Variants in TCF15 observed in about 807,000 individuals in gnomAD.
The protein encoded by TCF15 is TCF-15.
In TCF15, 7 loss-of-function variants were observed where a neutral mutation model predicts 11.1. The observed-to-expected ratio is 0.63, with a 90% CI of 0.36 to 1.19. The LOEUF is 1.19. Among genes scored for constraint, TCF15 ranks in the 50% most tolerant of loss-of-function variants. The pLI, the probability that TCF15 is intolerant of heterozygous loss-of-function variation, is 0.02. For synonymous variants in TCF15, 144 were observed against 138.9 expected, an observed-to-expected ratio of 1.04 and a Z score of -0.26; for missense variants, 288 against 289.4, an observed-to-expected ratio of 1.00 and a Z score of 0.03.
chr20:609,964 A>G lies in TCF15; in HGVS notation c.274T>C (p.Phe92Leu). The G allele has an allele frequency of 2.0e-6, 3 of 1,477,906 alleles. No individual in the cohort carries two copies. The highest frequency in any genetic ancestry group is 2.7e-6 in the Non-Finnish European group (3 of 1,120,928). 91.5% of individuals were successfully genotyped at this position (1,477,906 alleles called of 1,614,324 possible). ...GGGATGAGCGTGCGCAGCGCCGTGAAGGCCGTGTTCACGCTCTGAGTGCGG... is the reference window on the plus strand; with the variant it reads ...GGGATGAGCGTGCGCAGCGCCGTGAGGGCCGTGTTCACGCTCTGAGTGCGG... ...RDRTQSVNTA[F>L]TALRTLIPTE... The change falls in exon 1 of 2, where the codon TTC becomes CTC. Residue 92 changes from phenylalanine to leucine, a missense_variant. By Grantham distance (22) the Phe-to-Leu change is conservative (BLOSUM62 0). Transcript: ENST00000246080. This position sits in a 1 kb window ranked among gnomAD's most constrained non-coding sequence, Gnocchi z 4.7.
intron 1 of TCF15, among the ~76,000 whole-genome samples, chr20:605,942 A>T (rs2019970743): frequency 6.6e-6 from 1 of 152,216 alleles, no homozygotes; most frequent in African/African-American, 2.4e-5. Flanking sequence ...TAGTGTCTGA[A>T]ATCCCACTGT....
intron 1 of TCF15, among the ~76,000 whole-genome samples, chr20:606,817 C>CAAAA (rs529592184): frequency 1.5e-5 from 1 of 66,210 alleles, no homozygotes; most frequent in Non-Finnish European, 3.0e-5. Flanking sequence ...GACTCCATCG[C>CAAAA]AAAAAAAAAA....
Position 610,240 on chromosome 20 carries a change from G to A in TCF15, c.-3C>T. On this transcript the variant is annotated 5_prime_UTR_variant, in exon 1 of 2. Coordinates refer to ENST00000246080, the MANE Select transcript of TCF15 (RefSeq NM_004609.4). ...GGCCGCAGCAGCGCGAACGCCATGGGCGCCGGCCGCGTCCCTCCGTGCGCC... is the reference window on the plus strand; with the variant it reads ...GGCCGCAGCAGCGCGAACGCCATGGACGCCGGCCGCGTCCCTCCGTGCGCC... The A allele has an allele frequency of 1.0e-6, 1 of 996,036 alleles. No individual in the cohort carries two copies. Among genetic ancestry groups the A allele is most frequent in the Non-Finnish European group, 1.2e-6 (1 of 838,300 alleles). The allele number at this position is 996,036 out of a possible 1,614,324, so 61.7% of individuals were successfully genotyped here.
chr20:608,131 C>G (rs1463786800), intron 1 of TCF15, among the ~76,000 whole-genome samples: 1 of 152,166 alleles, frequency 6.6e-6, no homozygotes, highest in East Asian at 1.9e-4. Context: ...GAAACCCTGT[C>G]AGCACTCACC....
Position 610,099 on chromosome 20 carries a change from C to A in TCF15, c.139G>T (p.Ala47Ser), listed in dbSNP as rs1179986540. ...SFGCCEGPEA[A>S]RRGPGPGGGR... ...CCCCCGGGGCCCGGGCCGCGCCGCG[C>A]CGCCTCCGGGCCCTCGCAGCAGCCG... The change falls in exon 1 of 2, where the codon GCG becomes TCG. Residue 47 changes from alanine to serine, a missense_variant. Transcript: ENST00000246080. 1.4e-5 allele frequency: 14 copies of A among 988,122 alleles called. No homozygotes were observed. The highest frequency in any genetic ancestry group is 1.8e-5 in the African/African-American group (1 of 56,862). The allele number at this position is 988,122 out of a possible 1,614,324, so 61.2% of individuals were successfully genotyped here.
At chr20:606,151 C>T (rs1233350403) in intron 1 of TCF15, among the ~76,000 whole-genome samples, 2 of 152,150 alleles carry the variant, frequency 1.3e-5, no homozygotes, top group Admixed American at 1.3e-4. Context: ...TGTTCACTCA[C>T]AGGCAGGGCT....
In TCF15 at chr20:604,367, A is replaced by G. The variant is rs2019954659; in HGVS notation, c.*224T>C. On this transcript the variant is annotated 3_prime_UTR_variant, in exon 2 of 2. Coordinates refer to ENST00000246080, the MANE Select transcript of TCF15 (RefSeq NM_004609.4). The surrounding 1 kb of genome is among the most constrained non-coding windows in gnomAD (Gnocchi z 4.2). Reference sequence around the variant, plus strand: ...GTCACCAACAGTCTTTGTTTTTCCAAAAGTTCTGCCTTGTCTCTGACCAGC... The same window carrying G: ...GTCACCAACAGTCTTTGTTTTTCCAGAAGTTCTGCCTTGTCTCTGACCAGC... 3.3e-6 allele frequency: 2 copies of G among 598,400 alleles called. No homozygotes were observed. Among genetic ancestry groups the G allele is most frequent in the African/African-American group, 1.9e-5 (1 of 53,818 alleles). 37.1% of individuals were successfully genotyped at this position (598,400 alleles called of 1,614,324 possible). A position where few individuals can be genotyped will look rare whatever the true frequency, so the allele number is the denominator to read the frequency against.
At position 604,498 on chromosome 20, in the gene TCF15, C is replaced by T. The variant is rs937921690; in HGVS notation, c.*93G>A. 8 of 1,181,070 alleles carry T rather than the reference C, an allele frequency of 6.8e-6. No homozygotes were observed. The highest frequency in any genetic ancestry group is 1.5e-5 in the African/African-American group (1 of 65,998). 73.2% of individuals were successfully genotyped at this position (1,181,070 alleles called of 1,614,324 possible). ...CCGGAACAGGCCATGGTCCCCCGGT[C>T]CCTACACAAAGAAGGGGTGGGCTTG... On this transcript the variant is annotated 3_prime_UTR_variant, in exon 2 of 2. Transcript: ENST00000246080. This position sits in a 1 kb window ranked among gnomAD's most constrained non-coding sequence, Gnocchi z 4.2.
rs2020012174 is a variant in TCF15, at chr20:610,139, C to T, written c.99G>A (p.Ala33=). 7 of 1,032,124 alleles carry T rather than the reference C, an allele frequency of 6.8e-6. No homozygotes were observed. The highest frequency in any genetic ancestry group is 7.0e-6 in the Non-Finnish European group (6 of 854,680). The allele number at this position is 1,032,124 out of a possible 1,614,324, so 63.9% of individuals were successfully genotyped here. The change falls in exon 1 of 2, where the codon GCG becomes GCA. Residue 33 remains alanine, a synonymous_variant. Coordinates refer to ENST00000246080, the MANE Select transcript of TCF15 (RefSeq NM_004609.4). The stretch of plus-strand genomic sequence containing the variant: ...CGCAGCAGCCGAACGACTGGTCCGA[C>T]GCGTCGCTCTCGCTGCGGTTCTCCT... The part of the protein sequence containing the change: ...EDEENRSESD[A]SDQSFGCCEG...
At chr20:607,450 G>A (rs1219603586) in intron 1 of TCF15, among the ~76,000 whole-genome samples, 1 of 152,224 alleles carries the variant, frequency 6.6e-6, no homozygotes, top group African/African-American at 2.4e-5. Context: ...GGCCCACAAA[G>A]CTCAGAAGGG....
At position 604,665 on chromosome 20, in the gene TCF15, C is replaced by T. The variant is rs755388762; in HGVS notation, c.526G>A (p.Gly176Ser). The change falls in exon 2 of 2, where the codon GGT becomes AGT. Residue 176 changes from glycine to serine, a missense_variant and splice_region_variant. Physicochemically the swap from Gly to Ser is moderately conservative, Grantham distance 56. Transcript: ENST00000246080. This position sits in a 1 kb window ranked among gnomAD's most constrained non-coding sequence, Gnocchi z 4.2. Reference protein sequence around the residue: ...TFCLSNQRKGGGRRDLGGSCL... With the variant: ...TFCLSNQRKGSGRRDLGGSCL... ...CTGCCCCCCAGGTCACGACGGCCAC[C>T]CTGCAGAGGGGGAGAAAGAGTATAA... 3 of 1,551,116 alleles carry T rather than the reference C, an allele frequency of 1.9e-6. No individual in the cohort carries two copies. The highest frequency in any genetic ancestry group is 2.7e-5 in the African/African-American group (2 of 73,104).
Position 604,484 on chromosome 20 carries a change from C to T in TCF15, c.*107G>A, listed in dbSNP as rs2019955594. On this transcript the variant is annotated 3_prime_UTR_variant, in exon 2 of 2. Coordinates refer to ENST00000246080, the MANE Select transcript of TCF15 (RefSeq NM_004609.4). This position sits in a 1 kb window ranked among gnomAD's most constrained non-coding sequence, Gnocchi z 4.2. ...CTGCCCAGAGTGTCCCGGAACAGGCCATGGTCCCCCGGTCCCTACACAAAG... is the reference window on the plus strand; with the variant it reads ...CTGCCCAGAGTGTCCCGGAACAGGCTATGGTCCCCCGGTCCCTACACAAAG... The T allele has an allele frequency of 4.8e-6, 5 of 1,046,576 alleles. No individual in the cohort carries two copies. Among genetic ancestry groups the T allele is most frequent in the South Asian group, 4.1e-5 (3 of 73,706 alleles). 64.8% of individuals were successfully genotyped at this position (1,046,576 alleles called of 1,614,324 possible).
rs2019972075 is a variant in TCF15 at position 606,064 on chromosome 20, C to T, written c.526-1399G>A. On this transcript the variant is annotated intron_variant, in intron 1 of 1. Transcript: ENST00000246080. ...AGCTCTGTCCCCTGCCCCCTCCACCCCCAGGTCCAGGTTGGGGCAGATCCA... is the reference window on the plus strand; with the variant it reads ...AGCTCTGTCCCCTGCCCCCTCCACCTCCAGGTCCAGGTTGGGGCAGATCCA... Among the ~76,000 whole-genome samples the T allele has an allele frequency of 2.6e-5, 4 of 152,330 alleles. No individual in the cohort carries two copies. In the South Asian group the frequency reaches 8.3e-4, roughly 32 times the overall value.
intron 1 of TCF15, among the ~76,000 whole-genome samples, chr20:605,293 C>T (rs552790051): frequency 1.3e-5 from 2 of 152,360 alleles, no homozygotes; most frequent in South Asian, 4.1e-4. Context: ...GTGGTCCTCC[C>T]CCTGCCTGAC....
chr20:609,734 G>A lies in TCF15; in HGVS notation c.504C>T (p.Cys168=). The A allele has an allele frequency of 7.1e-7, 1 of 1,399,238 alleles. No homozygotes were observed. The highest frequency in any genetic ancestry group is 1.5e-5 in the African/African-American group (1 of 65,994). The allele number at this position is 1,399,238 out of a possible 1,614,324, so 86.7% of individuals were successfully genotyped here. ...TCACCCCCTTGCGCTGGTTGCTGAG[G>A]CAGAAGGTGCAGATGGAGCGCGGCT... The part of the protein sequence containing the change: ...GRQPRSICTF[C]LSNQRKGGGR... Residue 168 remains cysteine, a synonymous_variant, in exon 1 of 2, where the codon TGC becomes TGT. Coordinates refer to ENST00000246080, the MANE Select transcript of TCF15 (RefSeq NM_004609.4). This position sits in a 1 kb window ranked among gnomAD's most constrained non-coding sequence, Gnocchi z 4.7.
rs2020014719 is a variant in TCF15, at chr20:610,272, C to T, written c.-35G>A. 4.0e-6 allele frequency: 4 copies of T among 988,530 alleles called. No individual in the cohort carries two copies. Among genetic ancestry groups the T allele is most frequent in the African/African-American group, 3.5e-5 (2 of 56,880 alleles). The allele number at this position is 988,530 out of a possible 1,614,324, so 61.2% of individuals were successfully genotyped here. On this transcript the variant is annotated 5_prime_UTR_variant, in exon 1 of 2. Coordinates refer to ENST00000246080, the MANE Select transcript of TCF15 (RefSeq NM_004609.4). ...CCGCGTCCCTCCGTGCGCCGCGTCC[C>T]AGCGTCGGCCGCGCCCCGCCGTGCG...
rs2019986820 is a variant in TCF15 at position 607,573 on chromosome 20, C to T, written c.525+2140G>A. ...CCAGAGGAGACCGTGGGGTTGAGAG[C>T]ATGGTTTCTACAGCCAAATTTGGCT... is the stretch of plus-strand genomic sequence containing the variant. On this transcript the variant is annotated intron_variant, in intron 1 of 1. Coordinates refer to ENST00000246080, the MANE Select transcript of TCF15 (RefSeq NM_004609.4). 2.0e-5 allele frequency among the ~76,000 whole-genome samples: 3 copies of T among 152,340 alleles called. No homozygotes were observed. In the South Asian group the frequency reaches 6.2e-4, roughly 32 times the overall value.
Position 604,602 on chromosome 20 carries a change from G to A in TCF15, c.589C>T (p.Pro197Ser). The change falls in exon 2 of 2, where the codon CCA becomes TCA. Residue 197 changes from proline to serine, a missense_variant. Transcript: ENST00000246080. The surrounding 1 kb of genome is among the most constrained non-coding windows in gnomAD (Gnocchi z 4.2). ...TCCAGGGTCCAGGCTCATCTCCGTG[G>A]CCCTCGAAGGGGGGCCACCCCCCTC... ...KVRGVAPLRG[P>S]RR 1 of 1,552,998 alleles carries A rather than the reference G, an allele frequency of 6.4e-7. No individual in the cohort carries two copies. The highest frequency in any genetic ancestry group is 8.7e-7 in the Non-Finnish European group (1 of 1,147,702).
rs973960276 is a variant in TCF15 at position 606,056 on chromosome 20, C to T, written c.526-1391G>A. ...CATCTGGGAGCTCTGTCCCCTGCCC[C>T]CTCCACCCCCAGGTCCAGGTTGGGG... On this transcript the variant is annotated intron_variant, in intron 1 of 1. Transcript: ENST00000246080. Among the ~76,000 whole-genome samples, 3 of 152,222 alleles carry T rather than the reference C, an allele frequency of 2.0e-5. No homozygotes were observed. The East Asian group carries it at 5.8e-4, about 29-fold the overall frequency.
Sources: gnomAD v4.1 joint callset for allele counts (sites outside exome capture counted in the v4.1 genomes callset) on GRCh38, gnomAD v4.1.1 for gene constraint, Gnocchi (gnomAD v3.1) non-coding constraint, MANE v1.5 for transcripts, NCBI Gene and HGNC (gene_info 2026-07-23, HGNC 2026-07-21) for gene names.